The following VPS41 variants were observed in gnomAD, a reference collection of about 807,000 sequenced individuals.
VPS41 encodes VPS41 subunit of HOPS complex, also known as vacuolar protein sorting-associated protein 41 homolog.
Under a neutral mutation model 130.9 loss-of-function variants are expected in VPS41, and 85 were observed. The ratio of observed to expected loss-of-function variants is 0.65; its 90% CI spans 0.55 to 0.78. VPS41 has a LOEUF of 0.78. Among genes scored for constraint, VPS41 ranks in the 30% least tolerant of loss-of-function variants. The probability of loss-of-function intolerance (pLI) is 0.00; values close to 1 mark genes in which losing one functional copy is unlikely to be tolerated. For missense variants in VPS41, 874 were observed against 1,018.7 expected, an observed-to-expected ratio of 0.86 and a Z score of 1.93; for synonymous variants, 335 against 332.9, an observed-to-expected ratio of 1.01 and a Z score of -0.07.
At chr7:38,840,257 G>T (rs1477480581) in intron 4 of VPS41, among the ~76,000 whole-genome samples, 1 of 152,152 alleles carries the variant, frequency 6.6e-6, no homozygotes, top group Non-Finnish European at 1.5e-5. Flanking sequence ...CTGTTGTTAT[G>T]TTTTTATTTT....
intron 5 of VPS41, among the ~76,000 whole-genome samples, chr7:38,821,896 T>A (rs1029790375): frequency 1.3e-5 from 2 of 152,128 alleles, no homozygotes; most frequent in African/African-American, 4.8e-5. Context: ...ACTATTCTTT[T>A]ATAAACTTCC....
intron 25 of VPS41, among the ~76,000 whole-genome samples, chr7:38,736,490 G>A (rs1189426112): frequency 2.0e-5 from 3 of 152,232 alleles, no homozygotes; most frequent in African/African-American, 7.2e-5. Context: ...AGGAGCCCAC[G>A]TCTGCAAATA....
intron 18 of VPS41, among the ~76,000 whole-genome samples, chr7:38,757,987 T>A (rs1483941242): frequency 1.3e-5 from 2 of 152,128 alleles, no homozygotes; most frequent in Non-Finnish European, 2.9e-5. Context: ...GGAATTGACA[T>A]TTGAGAGATT....
chr7:38,875,667 A>T (rs1466302742), intron 2 of VPS41, among the ~76,000 whole-genome samples: 8 of 152,218 alleles, frequency 5.3e-5, no homozygotes, highest in Non-Finnish European at 1.5e-5. Context: ...AAGGTATTAT[A>T]GCTGCCTCAA....
intron 4 of VPS41, among the ~76,000 whole-genome samples, chr7:38,853,012 T>C (rs2116271452): frequency 6.6e-6 from 1 of 152,228 alleles, no homozygotes; most frequent in East Asian, 1.9e-4. Flanking sequence ...CACCATCCAT[T>C]CTTTCCTCTC....
intron 17 of VPS41, among the ~76,000 whole-genome samples, chr7:38,759,781 C>T (rs754983662): frequency 6.6e-6 from 1 of 152,146 alleles, no homozygotes; most frequent in Non-Finnish European, 1.5e-5. Flanking sequence ...CAGCTACTTT[C>T]CCCACCACCA....
At chr7:38,726,384 T>A in intron 28 of VPS41, 58 bp from the exon 29 acceptor site, 1 of 1,386,142 alleles carries the variant, frequency 7.2e-7, no homozygotes, top group Non-Finnish European at 1.0e-6. Flanking sequence ...TCTACTCTCA[T>A]ATTCAGAAAC....
At chr7:38,781,005 C>T (rs576830709) in intron 10 of VPS41, among the ~76,000 whole-genome samples, 1 of 152,232 alleles carries the variant, frequency 6.6e-6, no homozygotes, top group South Asian at 2.1e-4. Context: ...TTTCCTGAGG[C>T]CTCCCCAGAA....
chr7:38,746,480 C>T lies in VPS41; in HGVS notation c.1927-867G>A, dbSNP rs570250864. On this transcript the variant is annotated intron_variant, in intron 22 of 28. Transcript: ENST00000310301. ...TAGGAGCATTAGCAGCATGAGTCCA[C>T]CCCCGGGAGCTCAGGGTCCAGGAAG... is the stretch of plus-strand genomic sequence containing the variant. 2.0e-5 allele frequency among the ~76,000 whole-genome samples: 3 copies of T among 152,088 alleles called. No homozygotes were observed. In the East Asian group the frequency reaches 5.8e-4, roughly 29 times the overall value.
rs1308468251 is a variant in VPS41 at position 38,772,712 on chromosome 7, G to A, written c.1013-75C>T. 5.0e-6 allele frequency: 5 copies of A among 992,338 alleles called. No homozygotes were observed. In the South Asian group the frequency reaches 7.2e-5, roughly 14 times the overall value. 61.5% of individuals were successfully genotyped at this position (992,338 alleles called of 1,614,324 possible). ...CTTGGCAATGGTTTCAGAGGACCTG[G>A]TTAGGTTACCCAACCCAAGAGCGAA... On this transcript the variant is annotated intron_variant, in intron 12 of 28. Coordinates refer to ENST00000310301, the MANE Select transcript of VPS41 (RefSeq NM_014396.4).
intron 4 of VPS41, among the ~76,000 whole-genome samples, chr7:38,854,306 G>A (rs1360535569): frequency 6.6e-6 from 1 of 152,166 alleles, no homozygotes; most frequent in African/African-American, 2.4e-5. Context: ...GCCACATCTA[G>A]AACAGCATAC....
At position 38,828,983 on chromosome 7, in the gene VPS41, G is replaced by A. The variant is rs117652519; in HGVS notation, c.321+1271C>T. Among the ~76,000 whole-genome samples, 747 of 152,136 alleles carry A rather than the reference G, an allele frequency of 4.9e-3. 3 individuals are homozygous for A. Among genetic ancestry groups the A allele is most frequent in the Non-Finnish European group, 7.6e-3 (514 of 67,946 alleles). On this transcript the variant is annotated intron_variant, in intron 5 of 28. Transcript: ENST00000310301. ...GTACTATCTTTCAACAAATTAGTTC[G>A]GTTAAACTGATTACAGCCCAAAAGG...
chr7:38,894,203 A>C lies in VPS41; in HGVS notation c.60+3888T>G, dbSNP rs551907959. Reference sequence around the variant, plus strand: ...ACGAAGAGAAATGGATGAAGGAGGAATCTCTGGTGGACTGAGTGGTGTCTC... The same window carrying C: ...ACGAAGAGAAATGGATGAAGGAGGACTCTCTGGTGGACTGAGTGGTGTCTC... On this transcript the variant is annotated intron_variant, in intron 2 of 28. Transcript: ENST00000310301. 5.3e-5 allele frequency among the ~76,000 whole-genome samples: 8 copies of C among 152,304 alleles called. No homozygotes were observed. In the South Asian group the frequency reaches 1.5e-3, roughly 28 times the overall value.
intron 25 of VPS41, among the ~76,000 whole-genome samples, chr7:38,735,504 T>A (rs927036046): frequency 1.3e-5 from 2 of 152,036 alleles, no homozygotes; most frequent in African/African-American, 4.8e-5. Flanking sequence ...TGTCTCTGTG[T>A]GTGTACATGT....
chr7:38,855,977 G>A lies in VPS41; in HGVS notation c.246+6568C>T, dbSNP rs568209969. On this transcript the variant is annotated intron_variant, in intron 4 of 28. Transcript: ENST00000310301. ...TTTGGAGACTGGAGGTCCTCAATCT[G>A]CCAGTATGGTCACATTCTGGTGAGG... 2.0e-5 allele frequency among the ~76,000 whole-genome samples: 3 copies of A among 152,206 alleles called. No individual in the cohort carries two copies. The East Asian group carries it at 5.8e-4, about 29-fold the overall frequency.
intron 2 of VPS41, among the ~76,000 whole-genome samples, chr7:38,877,881 T>C (rs984796078): frequency 2.0e-5 from 3 of 152,184 alleles, no homozygotes; most frequent in African/African-American, 4.8e-5. Flanking sequence ...CAACCCTCTG[T>C]GCCCAAGACT....
intron 11 of VPS41, among the ~76,000 whole-genome samples, chr7:38,776,415 T>C (rs1303183339): frequency 6.6e-6 from 1 of 152,218 alleles, no homozygotes; most frequent in African/African-American, 2.4e-5. Context: ...AGAGGAATCC[T>C]TCATTCCTTT....
chr7:38,766,598 C>G (rs1035736898), intron 15 of VPS41, among the ~76,000 whole-genome samples: 2 of 152,172 alleles, frequency 1.3e-5, no homozygotes, highest in African/African-American at 4.8e-5. Flanking sequence ...TTGGCCGTGT[C>G]CCCACCCAAA....
chr7:38,861,795 C>T (rs1786120385), intron 4 of VPS41, among the ~76,000 whole-genome samples: 1 of 152,106 alleles, frequency 6.6e-6, no homozygotes, highest in Non-Finnish European at 1.5e-5. Flanking sequence ...CTTTAAGGTA[C>T]ACCTTCACAC....
Sources: gnomAD v4.1 joint callset for allele counts (sites outside exome capture counted in the v4.1 genomes callset) on GRCh38, gnomAD v4.1.1 for gene constraint, MANE v1.5 for transcripts, NCBI Gene and HGNC (gene_info 2026-07-23, HGNC 2026-07-21) for gene names.